The following TBL1X variants were observed in gnomAD, a reference collection of about 807,000 sequenced individuals.
TBL1X encodes transducin beta like 1 X-linked.
A neutral mutation model predicts 50.7 loss-of-function variants in TBL1X; 10 were observed. The observed-to-expected ratio is 0.20, with a 90% confidence interval of 0.12 to 0.33. The LOEUF is 0.33. Ranked by LOEUF, TBL1X falls within the 10% of genes least tolerant of loss-of-function variation. The pLI, the probability that TBL1X is intolerant of heterozygous loss-of-function variation, is 1.00. For missense variants in TBL1X, 340 were observed against 504.4 expected, an observed-to-expected ratio of 0.67 and a Z score of 3.12; for synonymous variants, 190 against 214.7, an observed-to-expected ratio of 0.88 and a Z score of 1.01.
intron 2 of TBL1X, among the ~76,000 whole-genome samples, chrX:9,510,030 C>T (rs376092902): frequency 2.7e-5 from 3 of 111,457 alleles, no homozygotes; most frequent in Admixed American, 9.6e-5. Context: ...GAACTGACAG[C>T]GTTCCCTCTA....
At chrX:9,594,744 G>A (rs760081209) in intron 2 of TBL1X, among the ~76,000 whole-genome samples, 38 of 112,314 alleles carry the variant, frequency 3.4e-4, no homozygotes, top group African/African-American at 1.0e-3. Flanking sequence ...GCTGATAAGT[G>A]AATTGTTATT....
intron 1 of TBL1X, among the ~76,000 whole-genome samples, chrX:9,467,163 A>T (rs1004103706): frequency 8.9e-6 from 1 of 112,619 alleles, no homozygotes; most frequent in Non-Finnish European, 1.9e-5. Context: ...GTTCTGTACA[A>T]CATCATCTTA....
At position 9,709,779 on chromosome X, in the gene TBL1X, G is replaced by C. The variant is rs1161675715; in HGVS notation, c.1439+19G>C. On this transcript the variant is annotated intron_variant, in intron 15 of 17. Transcript: ENST00000645353. ...TGGCAAGGTAAGGGCAGGCAACACA[G>C]CTGGCACAGCTCGGTGTTACACAAA... 8.3e-7 allele frequency: 1 copy of C among 1,204,562 alleles called. No individual in the cohort carries two copies. Among genetic ancestry groups the C allele is most frequent in the Admixed American group, 2.2e-5 (1 of 45,255 alleles).
intron 2 of TBL1X, among the ~76,000 whole-genome samples, chrX:9,522,781 T>G (rs1326004127): frequency 1.8e-5 from 2 of 111,794 alleles, no homozygotes; most frequent in Admixed American, 1.9e-4. Flanking sequence ...TTGTCCCTCC[T>G]GCCTCGGTTG....
intron 2 of TBL1X, among the ~76,000 whole-genome samples, chrX:9,531,357 GTGTGTGTGTGTGTGTGTGTGTGTGTGTGT>G (rs2082159746): frequency 1.4e-5 from 1 of 68,967 alleles, no homozygotes; most frequent in African/African-American, 8.4e-5. Context: ...CCTGGAGGGT[GTGTGTGTGTGTGTGTGTGTGTGTGTGTGT>G]GTGTGTGTGT....
At chrX:9,539,220 T>C (rs985968042) in intron 2 of TBL1X, among the ~76,000 whole-genome samples, 2 of 112,012 alleles carry the variant, frequency 1.8e-5, no homozygotes, top group African/African-American at 6.5e-5. Flanking sequence ...TGTGGTTCTA[T>C]GAAGGTCGTA....
intron 5 of TBL1X, among the ~76,000 whole-genome samples, chrX:9,679,519 C>T (rs774556313): frequency 4.5e-5 from 5 of 112,195 alleles, no homozygotes; most frequent in Admixed American, 9.4e-5. Context: ...TAACCCATCA[C>T]CCTCACACGA....
At chrX:9,478,431 T>C (rs1331890551) in intron 1 of TBL1X, among the ~76,000 whole-genome samples, 1 of 112,039 alleles carries the variant, frequency 8.9e-6, no homozygotes, top group East Asian at 2.8e-4. Flanking sequence ...GCAAAAATTA[T>C]ATCAATGAGA....
chrX:9,463,376 C>T (rs2081748250), upstream of TBL1X: 1 of 111,889 alleles, frequency 8.9e-6, no homozygotes, highest in African/African-American at 3.3e-5. Context: ...GGGAAGGCCC[C>T]ACCATGTCCT....
chrX:9,649,659 T>G (rs1411141829), intron 3 of TBL1X, among the ~76,000 whole-genome samples: 5 of 112,218 alleles, frequency 4.5e-5, no homozygotes, highest in African/African-American at 1.6e-4. Context: ...TATATTCTCA[T>G]TCTCCATAGT....
intron 16 of TBL1X, among the ~76,000 whole-genome samples, chrX:9,714,625 G>A (rs2146664306): frequency 8.9e-6 from 1 of 112,026 alleles, no homozygotes; most frequent in Non-Finnish European, 1.9e-5. Context: ...GACTGCCATG[G>A]TCTCCCGCCT....
intron 1 of TBL1X, among the ~76,000 whole-genome samples, chrX:9,491,306 T>TATATA (rs2081940254): frequency 1.9e-5 from 1 of 51,911 alleles, no homozygotes; most frequent in Non-Finnish European, 3.3e-5. Flanking sequence ...GCCAGTATAT[T>TATATA]TATATATATA....
chrX:9,515,602 G>A (rs1160005138), intron 2 of TBL1X, among the ~76,000 whole-genome samples: 1 of 112,075 alleles, frequency 8.9e-6, no homozygotes, highest in Admixed American at 9.5e-5. Flanking sequence ...TTTGGTCTGG[G>A]GATTGGGAAG....
intron 12 of TBL1X, among the ~76,000 whole-genome samples, chrX:9,703,932 C>T (rs2083190988): frequency 8.9e-6 from 1 of 112,704 alleles, no homozygotes; most frequent in Admixed American, 9.3e-5. Flanking sequence ...GAGGCAGACG[C>T]TCTGAGGACA....
intron 2 of TBL1X, among the ~76,000 whole-genome samples, chrX:9,505,538 G>A (rs774756654): frequency 1.8e-5 from 2 of 111,834 alleles, no homozygotes; most frequent in South Asian, 7.4e-4. Context: ...TTGGTGTGCT[G>A]TATTCAGGAG....
At chrX:9,568,598 CTG>C (rs200110245) in intron 2 of TBL1X, among the ~76,000 whole-genome samples, 1,074 of 99,303 alleles carry the variant, frequency 0.011, 13 homozygotes, top group African/African-American at 0.036. Context: ...GTGCAGTGTG[CTG>C]TGTGTGTGTG....
chrX:9,613,887 G>A (rs1177448856), intron 2 of TBL1X, among the ~76,000 whole-genome samples: 6 of 105,891 alleles, frequency 5.7e-5, no homozygotes, highest in African/African-American at 2.1e-4. Flanking sequence ...TTGGGAGGCT[G>A]AGGCAGGAGA....
chrX:9,505,911 G>A (rs1287487319), intron 2 of TBL1X, among the ~76,000 whole-genome samples: 1 of 112,041 alleles, frequency 8.9e-6, no homozygotes, highest in Non-Finnish European at 1.9e-5. Context: ...AAATTAACAA[G>A]GATATTCAGG....
intron 2 of TBL1X, among the ~76,000 whole-genome samples, chrX:9,616,327 T>C (rs2051365903): frequency 8.9e-6 from 1 of 112,375 alleles, no homozygotes; most frequent in South Asian, 3.6e-4. Context: ...TTTAAATTCT[T>C]GTTTGTTTTA....
Sources: allele counts gnomAD v4.1 joint callset (sites outside exome capture counted in the v4.1 genomes callset), GRCh38; gene constraint gnomAD v4.1.1; transcripts MANE v1.5; gene names NCBI Gene and HGNC (gene_info 2026-07-23, HGNC 2026-07-21).